Variants in WDR47 observed in about 807,000 individuals in gnomAD.
WDR47 encodes the protein WD repeat domain 47.
Under a neutral mutation model 97.2 loss-of-function variants are expected in WDR47, and 32 were observed. The observed-to-expected ratio is 0.33, with a 90% CI of 0.25 to 0.44. The LOEUF (loss-of-function observed/expected upper bound fraction) is 0.44. Among genes scored for constraint, WDR47 ranks in the 20% least tolerant of loss-of-function variants. WDR47 has a pLI of 1.00. For missense variants in WDR47, 782 were observed against 1,102.3 expected (o/e 0.71, Z 4.11); for synonymous variants, 375 against 373.5 (o/e 1.00, Z -0.05).
chr1:108,975,409 T>C (rs914663911), intron 13 of WDR47, among the ~76,000 whole-genome samples: 4 of 151,870 alleles, frequency 2.6e-5, no homozygotes, highest in African/African-American at 9.7e-5. Flanking sequence ...GCTCACAAGG[T>C]CAGGAGATCG....
intron 13 of WDR47, among the ~76,000 whole-genome samples, chr1:108,975,491 C>T (rs966550751): frequency 1.3e-5 from 2 of 151,514 alleles, no homozygotes; most frequent in African/African-American, 2.4e-5. Flanking sequence ...CGGAGTGGCA[C>T]GTGCCTGTAA....
chr1:109,036,534 C>CAAAAAAA (rs34246298), intron 1 of WDR47, among the ~76,000 whole-genome samples: 1 of 120,920 alleles, frequency 8.3e-6, no homozygotes, highest in Non-Finnish European at 1.7e-5. Context: ...GACTCCGTCT[C>CAAAAAAA]AAAAAAAAAA....
chr1:109,029,685 A>C (rs1404809394), intron 1 of WDR47, among the ~76,000 whole-genome samples: 1 of 134,894 alleles, frequency 7.4e-6, no homozygotes, highest in Non-Finnish European at 1.6e-5. Flanking sequence ...ATAAATAAAT[A>C]AATAAATAAA....
At chr1:108,986,707 C>G (rs768268143) in intron 9 of WDR47, 27 bp from the exon 10 acceptor site, 1 of 1,477,392 alleles carries the variant, frequency 6.8e-7, no homozygotes, top group South Asian at 1.3e-5. Context: ...TATTAGTTAT[C>G]CTATTAAAAA....
In WDR47 at chr1:109,010,941, T is replaced by C. The variant is rs1288435344; in HGVS notation, c.1105A>G (p.Ser369Gly). 4 of 1,613,244 alleles carry C rather than the reference T, an allele frequency of 2.5e-6. No homozygotes were observed. Among genetic ancestry groups the C allele is most frequent in the Non-Finnish European group, 3.4e-6 (4 of 1,179,472 alleles). ...SLMLENTECH[S>G]IYEESPERDT... ...CGCTCAGGGGATTCTTCGTAAATAC[T>C]GTGACATTCTGTATTCTCAAGCATG... is the stretch of plus-strand genomic sequence containing the variant. The change falls in exon 5 of 15, where the codon AGT (serine) becomes GGT (glycine). Residue 369 changes from serine (S) to glycine (G), a missense_variant. Ser to Gly is a moderately conservative substitution (Grantham distance 56). Transcript: ENST00000369962.
rs534540347 is a variant in WDR47 at position 109,007,086 on chromosome 1, C to T, written c.1131-2371G>A. ...CCAAGTAGCTGTGACTACAGGCACA[C>T]GCCACCATGCTTGGCTAATATTTTT... On this transcript the variant is annotated intron_variant, in intron 5 of 14. Coordinates refer to ENST00000369962, the MANE Select transcript of WDR47 (RefSeq NM_001142551.2). Among the ~76,000 whole-genome samples the T allele has an allele frequency of 2.8e-3, 426 of 149,792 alleles. 1 individual carries two copies. Among genetic ancestry groups the T allele is most frequent in the African/African-American group, 9.8e-3 (400 of 40,698 alleles).
chr1:108,994,979 T>G (rs1417934982), intron 8 of WDR47, among the ~76,000 whole-genome samples: 1 of 152,200 alleles, frequency 6.6e-6, no homozygotes, highest in Non-Finnish European at 1.5e-5. Context: ...GCCAAAAAGC[T>G]GGGAATCTCA....
At chr1:109,038,253 G>T (rs1472114564) in intron 1 of WDR47, among the ~76,000 whole-genome samples, 1 of 152,208 alleles carries the variant, frequency 6.6e-6, no homozygotes, top group African/African-American at 2.4e-5. Context: ...TCCCTTCAGA[G>T]CTCCTAGCCT....
intron 13 of WDR47, among the ~76,000 whole-genome samples, chr1:108,980,638 A>G (rs1658268003): frequency 6.6e-6 from 1 of 152,090 alleles, no homozygotes; most frequent in Admixed American, 6.5e-5. Flanking sequence ...CTGAGACAGG[A>G]CAATCACCTG....
chr1:109,020,082 A>AT (rs1231859540), intron 2 of WDR47, among the ~76,000 whole-genome samples: 3 of 150,554 alleles, frequency 2.0e-5, no homozygotes, highest in Non-Finnish European at 4.5e-5. Flanking sequence ...TCCTACCTTT[A>AT]TAAAAAAAAA....
intron 1 of WDR47, among the ~76,000 whole-genome samples, chr1:109,025,981 C>T (rs1662188382): frequency 6.6e-6 from 1 of 152,176 alleles, no homozygotes; most frequent in Admixed American, 6.6e-5. Context: ...TGACCACCAT[C>T]CTCCTGTTCA....
intron 10 of WDR47, among the ~76,000 whole-genome samples, chr1:108,984,194 T>C (rs773242039): frequency 1.3e-5 from 2 of 152,166 alleles, no homozygotes; most frequent in Admixed American, 6.5e-5. Context: ...GGGTTCTAAA[T>C]GCCATGCTCC....
chr1:109,035,521 G>A (rs936427698), intron 1 of WDR47, among the ~76,000 whole-genome samples: 5 of 145,058 alleles, frequency 3.4e-5, no homozygotes, highest in Admixed American at 7.0e-5. Flanking sequence ...TTTTTGAGAC[G>A]GAGTCTTACT....
At chr1:109,006,781 TTCAAA>T (rs1416392501) in intron 5 of WDR47, among the ~76,000 whole-genome samples, 1 of 152,156 alleles carries the variant, frequency 6.6e-6, no homozygotes, top group African/African-American at 2.4e-5. Flanking sequence ...GCTTACATAT[TTCAAA>T]TGATTTTTCT....
At chr1:109,013,791 A>G (rs1661213242) in intron 4 of WDR47, 50 bp downstream of exon 4, 2 of 1,584,664 alleles carry the variant, frequency 1.3e-6, no homozygotes, top group Non-Finnish European at 1.7e-6. Flanking sequence ...TAAAATACTT[A>G]TGACTGAAAA....
intron 1 of WDR47, among the ~76,000 whole-genome samples, chr1:109,036,503 A>G (rs1389889812): frequency 1.4e-5 from 2 of 138,104 alleles, no homozygotes; most frequent in Non-Finnish European, 3.1e-5. Flanking sequence ...CCACTGCACT[A>G]CAGCCTGGGC....
At chr1:108,974,501 G>T (rs761928926) in intron 14 of WDR47, 35 bp downstream of exon 14, 1 of 1,581,144 alleles carries the variant, frequency 6.3e-7, no homozygotes, top group Non-Finnish European at 8.7e-7. Context: ...AATAGAACAG[G>T]AAAGACTAAA....
chr1:109,011,918 A>T (rs1661058976), intron 4 of WDR47, among the ~76,000 whole-genome samples, 200 bp from the exon 5 acceptor site: 1 of 152,208 alleles, frequency 6.6e-6, no homozygotes, highest in Non-Finnish European at 1.5e-5. Flanking sequence ...TTAGTACATT[A>T]AACTTTTATC....
At chr1:109,022,207 T>C (rs1661898233) in intron 2 of WDR47, among the ~76,000 whole-genome samples, 1 of 152,092 alleles carries the variant, frequency 6.6e-6, no homozygotes. Context: ...TGTTAATAGA[T>C]AAGGCATGAT....
Sources: gnomAD v4.1 joint callset for allele counts (sites outside exome capture counted in the v4.1 genomes callset) on GRCh38, gnomAD v4.1.1 for gene constraint, MANE v1.5 for transcripts, NCBI Gene and HGNC (gene_info 2026-07-23, HGNC 2026-07-21) for gene names.